The following REV3L variants were observed in gnomAD, a reference collection of about 807,000 sequenced individuals.
The protein encoded by REV3L is REV3 like, DNA directed polymerase zeta catalytic subunit, also known as DNA polymerase zeta catalytic subunit.
In REV3L, 69 loss-of-function variants were observed where a neutral mutation model predicts 299.4. The ratio of observed to expected loss-of-function variants is 0.23; its 90% confidence interval spans 0.19 to 0.28. The LOEUF is 0.28. REV3L is among the 10% of genes least tolerant of loss of function. REV3L has a pLI of 1.00. For missense variants in REV3L, 3,128 were observed against 3,693.8 expected, an observed-to-expected ratio of 0.85 and a Z score of 3.97; for synonymous variants, 1,238 against 1,271.4, an observed-to-expected ratio of 0.97 and a Z score of 0.56.
chr6:111,422,609 T>C (rs1477139218), intron 1 of REV3L, among the ~76,000 whole-genome samples: 2 of 19,366 alleles, frequency 1.0e-4, no homozygotes, highest in African/African-American at 3.2e-4. Context: ...TATATATATA[T>C]ATACACATAT....
chr6:111,479,432 T>C (rs1180051408), intron 1 of REV3L, among the ~76,000 whole-genome samples: 1 of 151,888 alleles, frequency 6.6e-6, no homozygotes, highest in Non-Finnish European at 1.5e-5. Context: ...GTGATTCCCT[T>C]AGGAATCAAT....
chr6:111,412,935 T>G lies in REV3L; in HGVS notation c.330-1381A>C, dbSNP rs536018430. Among the ~76,000 whole-genome samples, 112 of 152,278 alleles carry G rather than the reference T, an allele frequency of 7.4e-4. 1 individual carries two copies. The Middle Eastern group carries it at 0.01, about 14-fold the overall frequency. On this transcript the variant is annotated intron_variant, in intron 2 of 31. Coordinates refer to ENST00000368802, the MANE Select transcript of REV3L (RefSeq NM_001372078.1). ...AGTGGAAAGCTCCGCTCTGGACTTT[T>G]GCATGGCTTGTTTAATCTTCATTCA...
Position 111,373,668 on chromosome 6 carries a change from C to G in REV3L, c.4687G>C (p.Gly1563Arg), listed in dbSNP as rs1480547632. 3.1e-6 allele frequency: 5 copies of G among 1,613,808 alleles called. No individual in the cohort carries two copies. The highest frequency in any genetic ancestry group is 4.2e-6 in the Non-Finnish European group (5 of 1,179,980). The change falls in exon 13 of 32, where the codon GGT (glycine) becomes CGT (arginine). Residue 1563 changes from glycine (G) to arginine (R), a missense_variant. Gly to Arg is a moderately radical substitution (Grantham distance 125). Coordinates refer to ENST00000368802, the MANE Select transcript of REV3L (RefSeq NM_001372078.1). ...NKHQPNKNIS[G>R]SLEHNKANKR... Reference sequence around the variant, plus strand: ...TTTGCTTTGTTATGCTCAAGGGAACCAGAAATATTTTTATTTGGTTGATGT... The same window carrying G: ...TTTGCTTTGTTATGCTCAAGGGAACGAGAAATATTTTTATTTGGTTGATGT...
At chr6:111,355,439 G>T (rs147823006) in intron 18 of REV3L, among the ~76,000 whole-genome samples, 101 of 152,220 alleles carry the variant, frequency 6.6e-4, no homozygotes, top group African/African-American at 2.1e-3. Flanking sequence ...TAGGGTGAAA[G>T]AATGAAATAA....
chr6:111,471,964 A>AC, intron 1 of REV3L: 2 of 1,024,590 alleles, frequency 2.0e-6, no homozygotes, highest in Middle Eastern at 4.4e-4. Flanking sequence ...GCCAAGGCTC[A>AC]CCCCCACCCC....
chr6:111,438,706 G>C (rs758075117), intron 1 of REV3L, among the ~76,000 whole-genome samples: 4 of 152,084 alleles, frequency 2.6e-5, no homozygotes, highest in Non-Finnish European at 5.9e-5. Flanking sequence ...ATTAAAGAAA[G>C]GTTTTCTTAG....
intron 20 of REV3L, among the ~76,000 whole-genome samples, chr6:111,345,302 TC>T: frequency 6.6e-6 from 1 of 152,202 alleles, no homozygotes; most frequent in Middle Eastern, 3.4e-3. Context: ...ATAATTAGGT[TC>T]CTAAAGGAAA....
chr6:111,421,127 C>CA (rs1365312480), intron 1 of REV3L, among the ~76,000 whole-genome samples: 17 of 151,642 alleles, frequency 1.1e-4, no homozygotes, highest in South Asian at 6.3e-4. Flanking sequence ...GACTCCATCT[C>CA]AAAAAAAACA....
intron 1 of REV3L, among the ~76,000 whole-genome samples, chr6:111,421,071 T>C (rs887174302): frequency 6.6e-6 from 1 of 152,108 alleles, no homozygotes; most frequent in Non-Finnish European, 1.5e-5. Context: ...GAGGTTGCAG[T>C]GAGCCAAGAT....
chr6:111,467,500 A>C (rs1286410393), intron 1 of REV3L, among the ~76,000 whole-genome samples: 8 of 152,216 alleles, frequency 5.3e-5, no homozygotes, highest in Non-Finnish European at 1.0e-4. Flanking sequence ...CAGATTGAAA[A>C]TTATATAGCT....
intron 3 of REV3L, among the ~76,000 whole-genome samples, chr6:111,408,912 T>C (rs1190259542): frequency 2.6e-5 from 4 of 152,094 alleles, no homozygotes; most frequent in Admixed American, 1.3e-4. Flanking sequence ...CTCAAACTCC[T>C]GACCTCACGT....
chr6:111,349,180 A>G, intron 20 of REV3L, 38 bp downstream of exon 20: 1 of 1,020,900 alleles, frequency 9.8e-7, no homozygotes, highest in South Asian at 1.3e-5. Flanking sequence ...TTGACCGAAT[A>G]TCTTATTTCT....
At chr6:111,300,183 A>G (rs766260594) in intron 31 of REV3L, 27 bp from the exon 32 acceptor site, 2 of 1,428,286 alleles carry the variant, frequency 1.4e-6, no homozygotes, top group South Asian at 2.6e-5. Flanking sequence ...AATACAAAAA[A>G]TAATAGGAAA....
intron 4 of REV3L, among the ~76,000 whole-genome samples, chr6:111,403,193 G>A (rs1282457372): frequency 6.6e-6 from 1 of 152,124 alleles, no homozygotes; most frequent in East Asian, 1.9e-4. Flanking sequence ...CAAATATACA[G>A]AGACCAAAAG....
At chr6:111,344,144 TA>T in intron 20 of REV3L, 101 bp from the exon 21 acceptor site, 2 of 690,032 alleles carry the variant, frequency 2.9e-6, no homozygotes, top group Non-Finnish European at 4.9e-6. Flanking sequence ...TCATAGTAGA[TA>T]TTAAAGCTAC....
Position 111,483,008 on chromosome 6 carries a change from C to T in REV3L, c.-120G>A, listed in dbSNP as rs920947835. Reference sequence around the variant, plus strand: ...TCCCCTTCTCGGCACGGCCCCCTCCCCTCACACAGAGGCACCTCGAGGAGC... The same window carrying T: ...TCCCCTTCTCGGCACGGCCCCCTCCTCTCACACAGAGGCACCTCGAGGAGC... On this transcript the variant is annotated 5_prime_UTR_variant, in exon 1 of 32. Coordinates refer to ENST00000368802, the MANE Select transcript of REV3L (RefSeq NM_001372078.1). The T allele has an allele frequency of 2.4e-6, 3 of 1,237,588 alleles. No individual in the cohort carries two copies. The highest frequency in any genetic ancestry group is 1.6e-5 in the African/African-American group (1 of 62,788). The allele number at this position is 1,237,588 out of a possible 1,614,324, so 76.7% of individuals were successfully genotyped here.
chr6:111,410,569 G>C (rs1249575156), intron 3 of REV3L, among the ~76,000 whole-genome samples: 1 of 152,176 alleles, frequency 6.6e-6, no homozygotes, highest in African/African-American at 2.4e-5. Flanking sequence ...TGAGTAGAGG[G>C]GAACTGGTAC....
At chr6:111,414,883 G>A (rs566788741) in intron 2 of REV3L, among the ~76,000 whole-genome samples, 2 of 152,176 alleles carry the variant, frequency 1.3e-5, no homozygotes, top group South Asian at 4.1e-4. Flanking sequence ...CCTAGTTCAA[G>A]CCACACTATT....
Position 111,392,899 on chromosome 6 carries a change from C to G in REV3L, c.639G>C (p.Arg213=). 2 of 1,611,434 alleles carry G rather than the reference C, an allele frequency of 1.2e-6. No individual in the cohort carries two copies. Among genetic ancestry groups the G allele is most frequent in the Non-Finnish European group, 1.7e-6 (2 of 1,177,814 alleles). The change falls in exon 5 of 32, where the codon CGG becomes CGC. Residue 213 remains arginine (R), a synonymous_variant. Coordinates refer to ENST00000368802, the MANE Select transcript of REV3L (RefSeq NM_001372078.1). The part of the protein sequence containing the change: ...SGNSLADTLF[R]WEQDEIPSSL... ...ACCTTGGTATTTCATCTTGTTCCCA[C>G]CGAAATAAAGTATCAGCAAGAGAAT...
Sources: allele counts gnomAD v4.1 joint callset (sites outside exome capture counted in the v4.1 genomes callset), GRCh38; gene constraint gnomAD v4.1.1; transcripts MANE v1.5; gene names NCBI Gene and HGNC (gene_info 2026-07-23, HGNC 2026-07-21).